Variants in RASGEF1B observed in about 807,000 individuals in gnomAD.
The protein encoded by RASGEF1B is RasGEF domain family member 1B, also known as ras-GEF domain-containing family member 1B.
In RASGEF1B, 30 loss-of-function variants were observed where a neutral mutation model predicts 65.7. The ratio of observed to expected loss-of-function variants is 0.46; its 90% CI spans 0.34 to 0.62. RASGEF1B has a LOEUF of 0.62. Among genes scored for constraint, RASGEF1B ranks in the 20% least tolerant of loss-of-function variants. The probability of loss-of-function intolerance (pLI) is 0.01; values close to 1 mark genes in which losing one functional copy is unlikely to be tolerated. For synonymous variants in RASGEF1B, 175 were observed against 194.8 expected (o/e 0.90, Z 0.85); for missense variants, 495 against 580.1 (o/e 0.85, Z 1.51).
intron 6 of RASGEF1B, 52 bp downstream of exon 6, chr4:81,447,452 C>T: frequency 7.6e-7 from 1 of 1,318,628 alleles, no homozygotes; most frequent in Non-Finnish European, 1.1e-6. Flanking sequence ...CTATCATAGA[C>T]TGATAAATCC....
chr4:81,434,612 T>C, intron 11 of RASGEF1B, 27 bp downstream of exon 11: 1 of 1,407,170 alleles, frequency 7.1e-7, no homozygotes, highest in Admixed American at 1.7e-5. Flanking sequence ...GTGCTTGGAT[T>C]TTTGTATCCT....
intron 9 of RASGEF1B, 72 bp from the exon 10 acceptor site, chr4:81,441,001 C>A (rs866459346): frequency 2.9e-6 from 3 of 1,017,556 alleles, no homozygotes; most frequent in Middle Eastern, 4.2e-4. Flanking sequence ...TATAAGATCA[C>A]ATATTTAGCT....
Position 81,427,731 on chromosome 4 carries a change from G to C in RASGEF1B, c.*37C>G, listed in dbSNP as rs766263792. The C allele has an allele frequency of 2.5e-6, 4 of 1,612,998 alleles. No homozygotes were observed. Among genetic ancestry groups the C allele is most frequent in the African/African-American group, 2.7e-5 (2 of 74,896 alleles). On this transcript the variant is annotated 3_prime_UTR_variant, in exon 14 of 14. Coordinates refer to ENST00000264400, the MANE Select transcript of RASGEF1B (RefSeq NM_152545.3). Reference sequence around the variant, plus strand: ...AGGCCAGCCCCTCCATGATCTGCAGGAAGCAGCAGCAGCAGCAGGCAGGCA... The same window carrying C: ...AGGCCAGCCCCTCCATGATCTGCAGCAAGCAGCAGCAGCAGCAGGCAGGCA...
Position 81,445,794 on chromosome 4 carries a change from G to A in RASGEF1B, c.774C>T (p.Tyr258=), listed in dbSNP as rs552506245. ...AGCTGAGGCGATTAAACCATTCCAC[G>A]TAAGCTTCTAAGTTTCGTGTTTTCT... ...ERKKTRNLEA[Y]VEWFNRLSYL... The change falls in exon 7 of 14, where the codon TAC becomes TAT. Residue 258 remains tyrosine, a synonymous_variant. Coordinates refer to ENST00000264400, the MANE Select transcript of RASGEF1B (RefSeq NM_152545.3). 42 of 1,614,054 alleles carry A rather than the reference G, an allele frequency of 2.6e-5. No homozygotes were observed. Among genetic ancestry groups the A allele is most frequent in the African/African-American group, 1.2e-4 (9 of 75,018 alleles).
At chr4:81,432,696 G>A (rs1272702446) in intron 12 of RASGEF1B, among the ~76,000 whole-genome samples, 1 of 148,896 alleles carries the variant, frequency 6.7e-6, no homozygotes, top group African/African-American at 2.6e-5. Flanking sequence ...AAAGAAAGGG[G>A]TGGGAGTTCT....
At chr4:81,446,020 G>A (rs573105219) in intron 6 of RASGEF1B, among the ~76,000 whole-genome samples, 182 bp from the exon 7 acceptor site, 62 of 152,324 alleles carry the variant, frequency 4.1e-4, no homozygotes, top group African/African-American at 1.4e-3. Flanking sequence ...AAATATCAAA[G>A]TCCTTTAGGA....
chr4:81,446,109 T>C (rs558838253), intron 6 of RASGEF1B, among the ~76,000 whole-genome samples: 1 of 152,346 alleles, frequency 6.6e-6, no homozygotes, highest in Non-Finnish European at 1.5e-5. Flanking sequence ...GCGTGGTGGC[T>C]CACGCCTGTA....
Position 81,460,164 on chromosome 4 carries a change from G to A in RASGEF1B, c.-6-650C>T, listed in dbSNP as rs77766249. On this transcript the variant is annotated intron_variant, in intron 1 of 13. Transcript: ENST00000264400. Reference sequence around the variant, plus strand: ...GGGGCTGTGGGGTGGTATCTGTAAAGCCTCAGTTCTCAATAAACATGCAGG... The same window carrying A: ...GGGGCTGTGGGGTGGTATCTGTAAAACCTCAGTTCTCAATAAACATGCAGG... Among the ~76,000 whole-genome samples the A allele has an allele frequency of 9.9e-5, 15 of 152,272 alleles. No individual in the cohort carries two copies. In the East Asian group the frequency reaches 2.9e-3, roughly 29 times the overall value.
intron 8 of RASGEF1B, among the ~76,000 whole-genome samples, chr4:81,442,662 A>G (rs1247686828): frequency 1.3e-5 from 2 of 152,230 alleles, no homozygotes; most frequent in East Asian, 3.9e-4. Context: ...CATCACTACA[A>G]GACACTATCA....
intron 8 of RASGEF1B, among the ~76,000 whole-genome samples, chr4:81,442,835 C>A (rs1401187921): frequency 6.6e-6 from 1 of 152,150 alleles, no homozygotes; most frequent in East Asian, 1.9e-4. Context: ...TTTTTTCAAT[C>A]ATTTAAAAAG....
intron 4 of RASGEF1B, 116 bp downstream of exon 4, chr4:81,456,535 G>A (rs1272623089): frequency 8.9e-7 from 1 of 1,125,512 alleles, no homozygotes; most frequent in Non-Finnish European, 1.3e-6. Context: ...TGGAGGGCTT[G>A]CCCAAAGGCA....
At chr4:81,439,848 T>G (rs1283133934) in intron 10 of RASGEF1B, among the ~76,000 whole-genome samples, 2 of 152,228 alleles carry the variant, frequency 1.3e-5, no homozygotes, top group Admixed American at 6.5e-5. Context: ...TAAGTTTCTT[T>G]ATTTAAATAA....
In RASGEF1B at chr4:81,457,533, T is replaced by C; in HGVS notation, c.266A>G (p.Glu89Gly). Residue 89 changes from glutamate to glycine, a missense_variant, in exon 3 of 14, where the codon GAG (glutamate) becomes GGG (glycine). Coordinates refer to ENST00000264400, the MANE Select transcript of RASGEF1B (RefSeq NM_152545.3). ...ATCAGGATCACTTAGTCTCTGGTGC[T>C]CAACACATAAGTGGCAAACTTTGGC... ...LMAKVCHLCVEHQRLSDPDSD... is the reference protein window; with the variant it reads ...LMAKVCHLCVGHQRLSDPDSD... 1.9e-6 allele frequency: 3 copies of C among 1,614,116 alleles called. No homozygotes were observed. The highest frequency in any genetic ancestry group is 2.5e-6 in the Non-Finnish European group (3 of 1,180,004).
At chr4:81,433,229 A>T (rs548636866) in intron 12 of RASGEF1B, among the ~76,000 whole-genome samples, 2 of 117,150 alleles carry the variant, frequency 1.7e-5, no homozygotes, top group African/African-American at 5.2e-5. Flanking sequence ...TTGCTGTCTT[A>T]AAAAAAAAAA....
At chr4:81,446,956 T>TA (rs1219534635) in intron 6 of RASGEF1B, among the ~76,000 whole-genome samples, 4 of 152,178 alleles carry the variant, frequency 2.6e-5, no homozygotes, top group Non-Finnish European at 5.9e-5. Context: ...CACTGGGAGA[T>TA]AAAAAATTTT....
intron 1 of RASGEF1B, among the ~76,000 whole-genome samples, chr4:81,468,429 G>C (rs1249319621): frequency 6.6e-6 from 1 of 151,910 alleles, no homozygotes; most frequent in African/African-American, 2.4e-5. Context: ...TTCTAAGCAG[G>C]GTTTCCTAAT....
rs1382974839 is a variant in RASGEF1B, at chr4:81,456,641, G to A, written c.438+10C>T. The A allele has an allele frequency of 2.5e-6, 4 of 1,613,974 alleles. No individual in the cohort carries two copies. The highest frequency in any genetic ancestry group is 2.2e-5 in the East Asian group (1 of 44,876). On this transcript the variant is annotated intron_variant, in intron 4 of 13. Transcript: ENST00000264400. ...AATTCCAGCAGCCGCGCTAAATTCAGGTTACCAACCTCTTCGCCACTGGCT... is the reference window on the plus strand; with the variant it reads ...AATTCCAGCAGCCGCGCTAAATTCAAGTTACCAACCTCTTCGCCACTGGCT...
chr4:81,444,036 G>A, intron 8 of RASGEF1B, among the ~76,000 whole-genome samples: 1 of 152,160 alleles, frequency 6.6e-6, no homozygotes, highest in South Asian at 2.1e-4. Flanking sequence ...GACTAATGAT[G>A]TGGAACACCA....
chr4:81,439,076 A>T (rs1223085349), intron 10 of RASGEF1B, among the ~76,000 whole-genome samples: 1 of 152,112 alleles, frequency 6.6e-6, no homozygotes, highest in Non-Finnish European at 1.5e-5. Context: ...CAGCAGAATG[A>T]TTTATATTCC....
Sources: gnomAD v4.1 joint callset for allele counts (sites outside exome capture counted in the v4.1 genomes callset) on GRCh38, gnomAD v4.1.1 for gene constraint, MANE v1.5 for transcripts, NCBI Gene and HGNC (gene_info 2026-07-23, HGNC 2026-07-21) for gene names.